Variants in RHOU observed in about 807,000 individuals in gnomAD.
The protein encoded by RHOU is rho-related GTP-binding protein RhoU.
RHOU carries 8 observed loss-of-function variants against 12.6 expected under a neutral mutation model. The ratio of observed to expected loss-of-function variants is 0.64; its 90% CI spans 0.37 to 1.15. The LOEUF is 1.15. RHOU is among the 50% of genes most tolerant of loss of function. The probability of loss-of-function intolerance (pLI) is 0.01; values close to 1 mark genes in which losing one functional copy is unlikely to be tolerated. For synonymous variants in RHOU, 161 were observed against 147.4 expected, an observed-to-expected ratio of 1.09 and a Z score of -0.67; for missense variants, 258 against 347.0, an observed-to-expected ratio of 0.74 and a Z score of 2.04.
chr1:228,674,850 CCTCCCAAGTAG>C, the RHOU span, among the ~76,000 whole-genome samples: 1 of 152,112 alleles, frequency 6.6e-6, no homozygotes, highest in South Asian at 2.1e-4. Context: ...CCTGTCTCAG[CCTCCCAAGTAG>C]CTGGGACTAC....
At chr1:228,680,535 G>A in the RHOU span, among the ~76,000 whole-genome samples, 10 of 152,188 alleles carry the variant, frequency 6.6e-5, no homozygotes, top group Non-Finnish European at 1.5e-4. Flanking sequence ...TCAGAAATGC[G>A]TTGCTGTCTG....
At chr1:228,664,705 C>G in the RHOU span, among the ~76,000 whole-genome samples, 1 of 152,156 alleles carries the variant, frequency 6.6e-6, no homozygotes. Flanking sequence ...GCAATCTCAG[C>G]TCATTGCAAC....
At chr1:228,724,037 C>A in the RHOU span, among the ~76,000 whole-genome samples, 1 of 152,080 alleles carries the variant, frequency 6.6e-6, no homozygotes, top group Non-Finnish European at 1.5e-5. Context: ...CACCTTCCTG[C>A]CTGTTTTTTT....
the RHOU span, among the ~76,000 whole-genome samples, chr1:228,728,762 A>G: frequency 5.3e-5 from 8 of 152,248 alleles, no homozygotes; most frequent in Non-Finnish European, 1.0e-4. Context: ...GTGCACACCT[A>G]TAAAACCACC....
At chr1:228,716,740 A>G in the RHOU span, among the ~76,000 whole-genome samples, 1 of 79,052 alleles carries the variant, frequency 1.3e-5, no homozygotes, top group Non-Finnish European at 2.3e-5. Context: ...ATATACATAT[A>G]CACACACATG....
the RHOU span, chr1:228,687,806 GGACAGT>G: frequency 7.6e-7 from 1 of 1,311,708 alleles, no homozygotes; most frequent in Non-Finnish European, 1.1e-6. Context: ...ACACCCTGGG[GGACAGT>G]GATAATGAAA....
At chr1:228,672,746 G>A in the RHOU span, among the ~76,000 whole-genome samples, 2 of 152,080 alleles carry the variant, frequency 1.3e-5, no homozygotes, top group East Asian at 3.9e-4. Flanking sequence ...TTTTTCTCCG[G>A]GGGTATGATC....
chr1:228,646,770 G>T, the RHOU span, among the ~76,000 whole-genome samples: 13 of 152,152 alleles, frequency 8.5e-5, no homozygotes, highest in African/African-American at 3.1e-4. Context: ...TCTCGTTCCG[G>T]AACCCGCACG....
chr1:228,696,655 C>T, the RHOU span, among the ~76,000 whole-genome samples: 1 of 152,128 alleles, frequency 6.6e-6, no homozygotes, highest in African/African-American at 2.4e-5. Flanking sequence ...TCAAGCGTTC[C>T]TCCCATCTCA....
chr1:228,737,795 C>G lies in RHOU; in HGVS notation c.321+64C>G, dbSNP rs927580823. The G allele has an allele frequency of 1.3e-5, 19 of 1,515,188 alleles. No individual in the cohort carries two copies. The highest frequency in any genetic ancestry group is 1.6e-5 in the Non-Finnish European group (17 of 1,091,296). 93.9% of individuals were successfully genotyped at this position (1,515,188 alleles called of 1,614,324 possible). ...CAGCCTTTTAAAGATTTCCAAATAA[C>G]CTTTGATTCCCTCAGTCAGTAACTG... is the stretch of plus-strand genomic sequence containing the variant. On this transcript the variant is annotated intron_variant, in intron 2 of 2. Coordinates refer to ENST00000366691, the MANE Select transcript of RHOU (RefSeq NM_021205.6). The surrounding 1 kb of genome is among the most constrained non-coding windows in gnomAD (Gnocchi z 4.1).
At chr1:228,681,793 T>A in the RHOU span, among the ~76,000 whole-genome samples, 1 of 151,476 alleles carries the variant, frequency 6.6e-6, no homozygotes, top group Non-Finnish European at 1.5e-5. Context: ...GAAGGAGAAA[T>A]GGAGGGTGGA....
chr1:228,656,411 A>C, the RHOU span, among the ~76,000 whole-genome samples: 2 of 152,210 alleles, frequency 1.3e-5, no homozygotes, highest in African/African-American at 4.8e-5. Context: ...CTTTTTAAAA[A>C]TTACGCTTTT....
chr1:228,735,151 G>C (rs1662568466), upstream of RHOU: 1 of 152,250 alleles, frequency 6.6e-6, no homozygotes, highest in Non-Finnish European at 1.5e-5. This position sits in a 1 kb window ranked among gnomAD's most constrained non-coding sequence, Gnocchi z 8.1. Flanking sequence ...AACCTCCCGG[G>C]CCAGTCGCGC....
intron 2 of RHOU, among the ~76,000 whole-genome samples, chr1:228,741,499 G>A (rs1443396257): frequency 6.6e-6 from 1 of 152,092 alleles, no homozygotes; most frequent in African/African-American, 2.4e-5. Flanking sequence ...ACCTGAGGGG[G>A]CTGCCTTAAT....
chr1:228,711,772 C>T, the RHOU span, among the ~76,000 whole-genome samples: 2 of 148,522 alleles, frequency 1.3e-5, no homozygotes, highest in East Asian at 4.0e-4. Context: ...GTCTAAAACA[C>T]CAAAAGCAAT....
chr1:228,707,335 T>A, the RHOU span, among the ~76,000 whole-genome samples: 1 of 141,130 alleles, frequency 7.1e-6, no homozygotes, highest in African/African-American at 2.7e-5. Flanking sequence ...TCTCGCAAGA[T>A]GGCCGAATAG....
the RHOU span, among the ~76,000 whole-genome samples, chr1:228,706,930 C>T: frequency 6.6e-6 from 1 of 151,154 alleles, no homozygotes; most frequent in Non-Finnish European, 1.5e-5. Context: ...TCTGTACAAT[C>T]TGTTATTTCT....
At chr1:228,740,926 C>T (rs1193465064) in intron 2 of RHOU, among the ~76,000 whole-genome samples, 1 of 152,132 alleles carries the variant, frequency 6.6e-6, no homozygotes, top group Admixed American at 6.6e-5. Flanking sequence ...TCTTACATCA[C>T]TCAAGGGCAG....
chr1:228,675,640 T>A, the RHOU span, among the ~76,000 whole-genome samples: 52 of 152,376 alleles, frequency 3.4e-4, 1 homozygote, highest in Middle Eastern at 6.8e-3. Flanking sequence ...GAGAATTTGA[T>A]GTTTTTAAAA....
Sources: gnomAD v4.1 joint callset for allele counts (sites outside exome capture counted in the v4.1 genomes callset) on GRCh38, gnomAD v4.1.1 for gene constraint, Gnocchi (gnomAD v3.1) non-coding constraint, MANE v1.5 for transcripts, NCBI Gene and HGNC (gene_info 2026-07-23, HGNC 2026-07-21) for gene names.